The following SHC4 variants were observed in gnomAD, a reference collection of about 807,000 sequenced individuals.
The protein encoded by SHC4 is SHC adaptor protein 4.
Under a neutral mutation model 69.4 loss-of-function variants are expected in SHC4, and 41 were observed. That is an observed-to-expected ratio of 0.59 (90% CI 0.46 to 0.77). The LOEUF (loss-of-function observed/expected upper bound fraction) is 0.77, where lower values mean the gene tolerates loss of function less well. Ranked by LOEUF, SHC4 falls within the 30% of genes least tolerant of loss-of-function variation. The pLI is 0.00. For synonymous variants in SHC4, 318 were observed against 299.3 expected (o/e 1.06, Z -0.64); for missense variants, 777 against 783.8 (o/e 0.99, Z 0.10).
chr15:48,920,924 T>TGAA (rs1900740459), intron 2 of SHC4, among the ~76,000 whole-genome samples: 6 of 149,460 alleles, frequency 4.0e-5, no homozygotes, highest in African/African-American at 1.2e-4. Context: ...TCTCTATATA[T>TGAA]GAAGAAGAAG....
At chr15:48,848,932 C>T (rs981029838) in intron 9 of SHC4, among the ~76,000 whole-genome samples, 1 of 151,048 alleles carries the variant, frequency 6.6e-6, no homozygotes, top group African/African-American at 2.4e-5. Flanking sequence ...GCCCATTCAA[C>T]ATAATTCTAG....
At chr15:48,882,575 C>T (rs1362541481) in intron 4 of SHC4, among the ~76,000 whole-genome samples, 1 of 152,122 alleles carries the variant, frequency 6.6e-6, no homozygotes, top group Non-Finnish European at 1.5e-5. Context: ...ACCACATATA[C>T]CACAATCCCA....
intron 10 of SHC4, among the ~76,000 whole-genome samples, chr15:48,836,490 T>C (rs1898900484): frequency 6.6e-6 from 1 of 152,158 alleles, no homozygotes; most frequent in Middle Eastern, 3.2e-3. Flanking sequence ...GTCTGAAACT[T>C]GTATGTTTAA....
At chr15:48,842,932 GA>G (rs1289349737) in intron 10 of SHC4, among the ~76,000 whole-genome samples, 2 of 150,064 alleles carry the variant, frequency 1.3e-5, no homozygotes, top group African/African-American at 2.4e-5. Context: ...CCCTGCTTCA[GA>G]AAAAAAAAGA....
chr15:48,958,679 G>A (rs529220372), intron 1 of SHC4, among the ~76,000 whole-genome samples: 1 of 152,326 alleles, frequency 6.6e-6, no homozygotes, highest in African/African-American at 2.4e-5. Context: ...TTAAAGAGGA[G>A]AACACTGTCA....
chr15:48,859,836 C>T (rs1232257439), intron 6 of SHC4, among the ~76,000 whole-genome samples: 1 of 152,078 alleles, frequency 6.6e-6, no homozygotes, highest in Non-Finnish European at 1.5e-5. Context: ...TAAAAAGTAC[C>T]CTTGGAGATG....
intron 5 of SHC4, among the ~76,000 whole-genome samples, chr15:48,869,621 C>T (rs1446059780): frequency 6.6e-6 from 1 of 152,204 alleles, no homozygotes; most frequent in Non-Finnish European, 1.5e-5. Flanking sequence ...CATATGAGGA[C>T]TCTGGAGTTT....
chr15:48,850,560 A>T (rs561430333), intron 9 of SHC4, among the ~76,000 whole-genome samples: 12 of 152,340 alleles, frequency 7.9e-5, no homozygotes, highest in Admixed American at 2.6e-4. Context: ...TCCTGAAGAA[A>T]TAAATATGCT....
chr15:48,878,698 G>T (rs753156828), intron 4 of SHC4: 1 of 1,613,996 alleles, frequency 6.2e-7, no homozygotes, highest in Non-Finnish European at 8.5e-7. Context: ...TCAATCGTCT[G>T]ACCGAAGAAC....
chr15:48,940,200 T>C lies in SHC4; in HGVS notation c.586-15251A>G, dbSNP rs948745831. On this transcript the variant is annotated intron_variant, in intron 1 of 11. Transcript: ENST00000332408. ...GATGGTTTAGTGAATGACCTACCAA[T>C]TATATTTTGTATTCTTGTCTAGTTA... 1.6e-4 allele frequency among the ~76,000 whole-genome samples: 25 copies of C among 152,214 alleles called. 1 individual carries two copies. Among genetic ancestry groups the C allele is most frequent in the African/African-American group, 5.8e-4 (24 of 41,450 alleles).
At chr15:48,841,944 T>C (rs1898997089) in intron 10 of SHC4, among the ~76,000 whole-genome samples, 1 of 152,202 alleles carries the variant, frequency 6.6e-6, no homozygotes, top group Non-Finnish European at 1.5e-5. Context: ...AATTTTGTCT[T>C]GCATTGTAGC....
intron 1 of SHC4, among the ~76,000 whole-genome samples, chr15:48,927,028 CT>C (rs1220897620): frequency 6.6e-6 from 1 of 152,070 alleles, no homozygotes; most frequent in Non-Finnish European, 1.5e-5. Context: ...CTTCCCAAGC[CT>C]TGGGTACCTT....
rs137952825 is a variant in SHC4, at chr15:48,832,251, G to A, written c.1737+2518C>T. Among the ~76,000 whole-genome samples the A allele has an allele frequency of 6.6e-5, 10 of 152,268 alleles. No homozygotes were observed. In the East Asian group the frequency reaches 7.7e-4, roughly 12 times the overall value. On this transcript the variant is annotated intron_variant, in intron 11 of 11. Transcript: ENST00000332408. ...GGTGCCATTGTACTCCAGCCTGGGC[G>A]ACAAGAGTGAAACGTGGTCTCAAAA... is the stretch of plus-strand genomic sequence containing the variant.
At chr15:48,953,514 G>A (rs1026571882) in intron 1 of SHC4, among the ~76,000 whole-genome samples, 4 of 152,090 alleles carry the variant, frequency 2.6e-5, no homozygotes, top group East Asian at 1.9e-4. Flanking sequence ...TAAGCATCAA[G>A]GCCAGACAAT....
In SHC4 at chr15:48,856,107, T is replaced by C; in HGVS notation, c.1088A>G (p.Asp363Gly). ...TSCESEEVHIDSHAEEREDHE... is the reference protein window; with the variant it reads ...TSCESEEVHIGSHAEEREDHE... ...ATCTTCTCTCTCCTCGGCATGGCTA[T>C]CAATATGCACCTCCTCACTGTGAAG... Residue 363 changes from aspartate to glycine, a missense_variant, in exon 8 of 12, where the codon GAT (aspartate) becomes GGT (glycine). Physicochemically the swap from Asp to Gly is moderately conservative, Grantham distance 94 (BLOSUM62 -1). Transcript: ENST00000332408. 6.2e-7 allele frequency: 1 copy of C among 1,613,406 alleles called. No homozygotes were observed. Among genetic ancestry groups the C allele is most frequent in the Non-Finnish European group, 8.5e-7 (1 of 1,179,606 alleles).
chr15:48,914,996 C>T (rs868521629), intron 2 of SHC4, among the ~76,000 whole-genome samples: 3 of 152,172 alleles, frequency 2.0e-5, no homozygotes, highest in Non-Finnish European at 2.9e-5. Flanking sequence ...AGGAATTATG[C>T]GTATGATTGT....
At chr15:48,835,562 T>G (rs1002592062) in intron 10 of SHC4, among the ~76,000 whole-genome samples, 2 of 152,180 alleles carry the variant, frequency 1.3e-5, no homozygotes, top group Non-Finnish European at 2.9e-5. Flanking sequence ...CCTCACAGCA[T>G]TCCCACTAAA....
intron 1 of SHC4, among the ~76,000 whole-genome samples, chr15:48,934,920 T>A (rs1460301527): frequency 1.3e-5 from 2 of 152,206 alleles, no homozygotes; most frequent in African/African-American, 2.4e-5. Flanking sequence ...AGTAGGGCTA[T>A]GTGGTTTTTG....
At chr15:48,878,357 G>A (rs750264190) in intron 4 of SHC4, 5 of 1,613,520 alleles carry the variant, frequency 3.1e-6, no homozygotes, top group Non-Finnish European at 4.2e-6. Flanking sequence ...AATGGAGGAG[G>A]AGGAGGCCCA....
Sources: gnomAD v4.1 joint callset for allele counts (sites outside exome capture counted in the v4.1 genomes callset) on GRCh38, gnomAD v4.1.1 for gene constraint, MANE v1.5 for transcripts, NCBI Gene and HGNC (gene_info 2026-07-23, HGNC 2026-07-21) for gene names.